PACRG: variants seen among roughly 807,000 people sequenced by gnomAD.
PACRG encodes parkin coregulated.
PACRG carries 29 observed loss-of-function variants against 29.7 expected under a neutral mutation model. The observed-to-expected ratio is 0.98, with a 90% CI of 0.73 to 1.33. PACRG has a LOEUF of 1.33. Ranked by LOEUF, PACRG falls within the 40% of genes most tolerant of loss-of-function variation. The probability of loss-of-function intolerance (pLI) is 0.00; values close to 1 mark genes in which losing one functional copy is unlikely to be tolerated. For synonymous variants in PACRG, 116 were observed against 118.7 expected (o/e 0.98, Z 0.15); for missense variants, 279 against 316.2 (o/e 0.88, Z 0.89).
At chr6:162,944,826 T>TGTCCATA (rs1798885123) in intron 2 of PACRG, among the ~76,000 whole-genome samples, 1 of 151,898 alleles carries the variant, frequency 6.6e-6, no homozygotes, top group African/African-American at 2.4e-5. Context: ...TTCTGACATA[T>TGTCCATA]AAGACACCAT....
At chr6:162,988,279 A>C (rs1803088293) in intron 2 of PACRG, among the ~76,000 whole-genome samples, 1 of 152,142 alleles carries the variant, frequency 6.6e-6, no homozygotes, top group South Asian at 2.1e-4. Context: ...TTCACTAGGG[A>C]CACAGAGTGG....
At chr6:162,778,962 A>G (rs892144788) in intron 1 of PACRG, among the ~76,000 whole-genome samples, 65 of 152,172 alleles carry the variant, frequency 4.3e-4, no homozygotes, top group Non-Finnish European at 8.1e-4. Flanking sequence ...GGTTTGCTGC[A>G]CAGATGGATC....
intron 4 of PACRG, among the ~76,000 whole-genome samples, chr6:163,126,466 C>A (rs1198597523): frequency 6.6e-6 from 1 of 152,108 alleles, no homozygotes. Context: ...CCAAGATTGT[C>A]TTTGGTATTT....
At chr6:162,932,131 A>T (rs376799449) in intron 2 of PACRG, among the ~76,000 whole-genome samples, 1 of 152,200 alleles carries the variant, frequency 6.6e-6, no homozygotes, top group South Asian at 2.1e-4. Context: ...ATCTAAAAAA[A>T]GTAATGTTGA....
At chr6:163,300,428 C>T (rs572820514) in intron 4 of PACRG, among the ~76,000 whole-genome samples, 4 of 149,296 alleles carry the variant, frequency 2.7e-5, no homozygotes, top group East Asian at 2.0e-4. Flanking sequence ...GCGGTAGATG[C>T]GGGGATTTTC....
chr6:162,745,015 G>T (rs959401622), intron 1 of PACRG, among the ~76,000 whole-genome samples: 3 of 151,846 alleles, frequency 2.0e-5, no homozygotes, highest in Non-Finnish European at 4.4e-5. Context: ...CAGCATTCTA[G>T]ACTTTTTCTA....
intron 3 of PACRG, among the ~76,000 whole-genome samples, chr6:163,073,913 C>T (rs1247801364): frequency 6.6e-6 from 1 of 151,998 alleles, no homozygotes; most frequent in Non-Finnish European, 1.5e-5. Flanking sequence ...GGCTTTTATC[C>T]AAAAGACAGG....
At chr6:162,891,495 G>A (rs1012666993) in intron 2 of PACRG, among the ~76,000 whole-genome samples, 3 of 152,092 alleles carry the variant, frequency 2.0e-5, no homozygotes, top group Admixed American at 1.3e-4. Context: ...AGTGCTCTCT[G>A]GCTTGCTGCA....
intron 1 of PACRG, among the ~76,000 whole-genome samples, chr6:162,741,140 T>C (rs996195689): frequency 1.3e-5 from 2 of 152,240 alleles, no homozygotes; most frequent in African/African-American, 4.8e-5. Context: ...TTGGTGTCTC[T>C]GATTTACCAG....
At chr6:163,034,987 TC>T (rs1808025844) in intron 2 of PACRG, among the ~76,000 whole-genome samples, 1 of 152,228 alleles carries the variant, frequency 6.6e-6, no homozygotes, top group Admixed American at 6.5e-5. Context: ...CGTGGATTAT[TC>T]ATGCCTCCCC....
chr6:163,218,586 C>G (rs527582599), intron 4 of PACRG, among the ~76,000 whole-genome samples: 2 of 152,296 alleles, frequency 1.3e-5, no homozygotes, highest in African/African-American at 4.8e-5. Context: ...CCCTGGCAGC[C>G]TTGGTGTTGC....
At chr6:163,032,187 A>C (rs1585046426) in intron 2 of PACRG, among the ~76,000 whole-genome samples, 2 of 152,352 alleles carry the variant, frequency 1.3e-5, no homozygotes, top group East Asian at 1.9e-4. Context: ...ATAGCTCAAA[A>C]GTTTTCTTGA....
intron 4 of PACRG, among the ~76,000 whole-genome samples, chr6:163,104,955 T>C (rs1040811599): frequency 2.0e-5 from 3 of 151,840 alleles, no homozygotes; most frequent in Non-Finnish European, 4.4e-5. Flanking sequence ...AGTACTCTTA[T>C]ACTATTTATG....
intron 1 of PACRG, among the ~76,000 whole-genome samples, chr6:162,801,080 AGTACCAAACTGTGCTAAATCTTT>A (rs1785817702): frequency 6.6e-6 from 1 of 152,190 alleles, no homozygotes; most frequent in African/African-American, 2.4e-5. Flanking sequence ...AACCAGCTGT[AGTACCAAACTGTGCTAAATCTTT>A]TAGCTGAAAT....
At chr6:163,252,563 G>A (rs1047432271) in intron 4 of PACRG, among the ~76,000 whole-genome samples, 2 of 152,148 alleles carry the variant, frequency 1.3e-5, no homozygotes, top group Admixed American at 1.3e-4. Context: ...CTGCAGGCGG[G>A]GCTCACCGTG....
chr6:163,128,456 A>G (rs1033768901), intron 4 of PACRG, among the ~76,000 whole-genome samples: 1 of 152,250 alleles, frequency 6.6e-6, no homozygotes, highest in African/African-American at 2.4e-5. Flanking sequence ...GATGTCTATC[A>G]TGTAGAAAAT....
At chr6:163,285,262 G>C (rs1249341706) in intron 4 of PACRG, among the ~76,000 whole-genome samples, 1 of 151,656 alleles carries the variant, frequency 6.6e-6, no homozygotes, top group African/African-American at 2.4e-5. Flanking sequence ...GGGCCTTTGC[G>C]CAAACCCTTC....
intron 2 of PACRG, among the ~76,000 whole-genome samples, chr6:162,868,148 A>G (rs1021898019): frequency 6.6e-6 from 1 of 152,172 alleles, no homozygotes; most frequent in African/African-American, 2.4e-5. Context: ...GGCAGCAGAG[A>G]TGCCTTTGCA....
intron 1 of PACRG, among the ~76,000 whole-genome samples, chr6:162,779,202 G>A (rs992871184): frequency 6.6e-6 from 1 of 152,168 alleles, no homozygotes; most frequent in Non-Finnish European, 1.5e-5. Context: ...CCCTGCAAAG[G>A]ACATACTCTC....
Sources: allele counts gnomAD v4.1 joint callset (sites outside exome capture counted in the v4.1 genomes callset), GRCh38; gene constraint gnomAD v4.1.1; transcripts MANE v1.5; gene names NCBI Gene and HGNC (gene_info 2026-07-23, HGNC 2026-07-21).